JAK1: variants seen among roughly 807,000 people sequenced by gnomAD.
JAK1 encodes Janus kinase 1.
Under a neutral mutation model 136.6 loss-of-function variants are expected in JAK1, and 16 were observed. The ratio of observed to expected loss-of-function variants is 0.12; its 90% CI spans 0.08 to 0.18. JAK1 has a LOEUF of 0.18. Ranked by LOEUF, JAK1 falls within the 10% of genes least tolerant of loss-of-function variation. The pLI is 1.00. For synonymous variants in JAK1, 492 were observed against 519.5 expected (o/e 0.95, Z 0.72); for missense variants, 859 against 1,450.1 (o/e 0.59, Z 6.62).
chr1:64,929,331 T>C (rs907823821), intron 1 of JAK1, among the ~76,000 whole-genome samples: 9 of 152,360 alleles, frequency 5.9e-5, no homozygotes, highest in Non-Finnish European at 8.8e-5. Context: ...GAGACCAAAG[T>C]TCCCCCTATT....
chr1:64,880,627 A>G (rs1644756399), intron 3 of JAK1, among the ~76,000 whole-genome samples: 2 of 152,194 alleles, frequency 1.3e-5, no homozygotes, highest in South Asian at 2.1e-4. Flanking sequence ...TAATACTAAC[A>G]TTTACTGAGG....
chr1:64,873,599 A>C, intron 4 of JAK1, 76 bp from the exon 5 acceptor site: 1 of 1,564,562 alleles, frequency 6.4e-7, no homozygotes, highest in Non-Finnish European at 8.8e-7. Flanking sequence ...GCTCACCAAC[A>C]GTGGTCAGTG....
chr1:65,047,357 T>C (rs1647193732), intron 1 of JAK1, among the ~76,000 whole-genome samples: 1 of 152,202 alleles, frequency 6.6e-6, no homozygotes. Context: ...TTTACCTATA[T>C]AGATTGTTCA....
intron 1 of JAK1, among the ~76,000 whole-genome samples, chr1:65,051,861 T>C (rs902624131): frequency 1.3e-5 from 2 of 152,240 alleles, no homozygotes; most frequent in African/African-American, 4.8e-5. Context: ...ATTTCAATTA[T>C]GTGCATTTTA....
chr1:64,878,657 C>T (rs114610752), intron 4 of JAK1, among the ~76,000 whole-genome samples: 1,484 of 140,028 alleles, frequency 0.011, 20 homozygotes, highest in African/African-American at 0.038. Flanking sequence ...CTGATAGTAT[C>T]GTCTCCTGTT....
intron 15 of JAK1, among the ~76,000 whole-genome samples, 195 bp from the exon 16 acceptor site, chr1:64,845,084 G>A (rs1462331987): frequency 6.6e-6 from 1 of 152,150 alleles, no homozygotes; most frequent in Admixed American, 6.5e-5. Flanking sequence ...CACTGAATGT[G>A]GCTAAATAGT....
Position 64,934,078 on chromosome 1 carries a change from T to C in JAK1, c.-78+32255A>G, listed in dbSNP as rs376733262. On this transcript the variant is annotated intron_variant, in intron 1 of 24. Transcript: ENST00000342505. ...AGCACAAAGCAGAAGGAAAGATAAGTGCTGACCAAAATGCAGGAGGGGACA... is the reference window on the plus strand; with the variant it reads ...AGCACAAAGCAGAAGGAAAGATAAGCGCTGACCAAAATGCAGGAGGGGACA... Among the ~76,000 whole-genome samples, 10 of 152,226 alleles carry C rather than the reference T, an allele frequency of 6.6e-5. No homozygotes were observed. In the South Asian group the frequency reaches 2.1e-3, roughly 32 times the overall value.
chr1:65,013,778 A>C (rs1401517753), intron 2 of JAK1, among the ~76,000 whole-genome samples: 2 of 152,228 alleles, frequency 1.3e-5, no homozygotes, highest in African/African-American at 4.8e-5. Flanking sequence ...CTAAGCATAC[A>C]TAATAAGCAT....
intron 1 of JAK1, among the ~76,000 whole-genome samples, chr1:64,891,423 C>A (rs1327078020): frequency 6.6e-6 from 1 of 152,178 alleles, no homozygotes; most frequent in East Asian, 1.9e-4. Flanking sequence ...AACACTCTTC[C>A]TTCTGTAGAC....
intron 1 of JAK1, among the ~76,000 whole-genome samples, chr1:65,067,243 C>T (rs1648096672): frequency 1.3e-5 from 2 of 150,940 alleles, no homozygotes; most frequent in Admixed American, 1.3e-4. Context: ...GCGCTAGGCG[C>T]TGGGCAGTGG....
intron 1 of JAK1, among the ~76,000 whole-genome samples, chr1:65,057,494 A>T (rs1238094776): frequency 1.3e-5 from 2 of 152,156 alleles, no homozygotes; most frequent in African/African-American, 2.4e-5. Context: ...TAAGCTCAGG[A>T]GGTCAAGACC....
chr1:65,004,934 C>T (rs484599), intron 2 of JAK1, among the ~76,000 whole-genome samples: 2,220 of 152,134 alleles, frequency 0.015, 55 homozygotes, highest in African/African-American at 0.051. Context: ...GGGATGTATA[C>T]TAATGTCTAA....
chr1:65,039,179 T>C (rs1647105675), intron 2 of JAK1, among the ~76,000 whole-genome samples: 2 of 152,190 alleles, frequency 1.3e-5, no homozygotes, highest in Admixed American at 1.3e-4. Context: ...AAAAGTCCTA[T>C]GAAAATGCAA....
intron 2 of JAK1, among the ~76,000 whole-genome samples, chr1:64,999,365 C>T (rs1646732082): frequency 6.6e-6 from 1 of 152,070 alleles, no homozygotes; most frequent in Admixed American, 6.5e-5. Flanking sequence ...TAGGACATTC[C>T]CCTTGGCTCT....
chr1:64,950,298 C>T (rs1646060837), intron 1 of JAK1, among the ~76,000 whole-genome samples: 1 of 151,868 alleles, frequency 6.6e-6, no homozygotes, highest in South Asian at 2.1e-4. Context: ...GTCCCAGCTA[C>T]TCTGGAGGCT....
chr1:64,995,965 C>T (rs993119992), intron 2 of JAK1, among the ~76,000 whole-genome samples: 1 of 152,144 alleles, frequency 6.6e-6, no homozygotes, highest in Admixed American at 6.6e-5. Context: ...CCTTGAACTC[C>T]TTGGCTCAGG....
intron 2 of JAK1, among the ~76,000 whole-genome samples, chr1:64,974,913 T>A (rs1427860960): frequency 1.3e-5 from 2 of 152,064 alleles, no homozygotes; most frequent in Non-Finnish European, 2.9e-5. Flanking sequence ...TTGTTTTTTG[T>A]TTTTTGTTTT....
chr1:65,047,148 A>G (rs939801510), intron 1 of JAK1, among the ~76,000 whole-genome samples: 3 of 152,086 alleles, frequency 2.0e-5, no homozygotes, highest in Admixed American at 1.3e-4. Context: ...CGATTATGCC[A>G]TTGAACTCTA....
At chr1:64,941,444 A>C (rs1645888048) in intron 1 of JAK1, among the ~76,000 whole-genome samples, 1 of 152,222 alleles carries the variant, frequency 6.6e-6, no homozygotes, top group Non-Finnish European at 1.5e-5. Context: ...TAATTATCAG[A>C]AATGAAAAAT....
Sources: gnomAD v4.1 joint callset for allele counts (sites outside exome capture counted in the v4.1 genomes callset) on GRCh38, gnomAD v4.1.1 for gene constraint, MANE v1.5 for transcripts, NCBI Gene and HGNC (gene_info 2026-07-23, HGNC 2026-07-21) for gene names.